CMKLR1: variants seen among roughly 807,000 people sequenced by gnomAD.
CMKLR1 encodes chemerin-like receptor 1.
In CMKLR1, 6 loss-of-function variants were observed where a neutral mutation model predicts 8.2. The observed-to-expected ratio is 0.73, with a 90% CI of 0.40 to 1.44. The LOEUF (loss-of-function observed/expected upper bound fraction) is 1.44, where lower values mean the gene tolerates loss of function less well. CMKLR1 is among the 40% of genes most tolerant of loss of function. The probability of loss-of-function intolerance (pLI) is 0.02; values close to 1 mark genes in which losing one functional copy is unlikely to be tolerated. For synonymous variants in CMKLR1, 178 were observed against 181.2 expected, an observed-to-expected ratio of 0.98 and a Z score of 0.14; for missense variants, 429 against 478.0, an observed-to-expected ratio of 0.90 and a Z score of 0.96.
chr12:108,325,540 G>A (rs1400793660), intron 2 of CMKLR1, among the ~76,000 whole-genome samples: 1 of 152,046 alleles, frequency 6.6e-6, no homozygotes, highest in Non-Finnish European at 1.5e-5. Context: ...TTAAATAGCT[G>A]GCTGTTGCAA....
chr12:108,323,419 G>A (rs1425595784), intron 2 of CMKLR1, among the ~76,000 whole-genome samples: 1 of 152,064 alleles, frequency 6.6e-6, no homozygotes, highest in Non-Finnish European at 1.5e-5. Flanking sequence ...GCTCCGGTGG[G>A]CTGGGGTTGT....
chr12:108,328,174 C>T (rs921036854), intron 2 of CMKLR1, among the ~76,000 whole-genome samples: 1 of 152,178 alleles, frequency 6.6e-6, no homozygotes, highest in African/African-American at 2.4e-5. Context: ...GTGAGGCCAG[C>T]AAGTCAAGGT....
intron 2 of CMKLR1, among the ~76,000 whole-genome samples, chr12:108,306,029 G>A (rs1243108870): frequency 6.6e-6 from 1 of 152,132 alleles, no homozygotes; most frequent in Admixed American, 6.6e-5. Flanking sequence ...ACTACTCCTT[G>A]AGCCTTAAAA....
chr12:108,331,455 T>C (rs966376282), intron 1 of CMKLR1, among the ~76,000 whole-genome samples: 1 of 141,220 alleles, frequency 7.1e-6, no homozygotes, highest in African/African-American at 2.7e-5. Flanking sequence ...CAACTGTCAA[T>C]AGATGGCCAC....
Position 108,292,253 on chromosome 12 carries a change from G to C in CMKLR1, c.710C>G (p.Thr237Arg). Residue 237 changes from threonine (T) to arginine (R), a missense_variant, in exon 4 of 4, where the codon ACA (threonine) becomes AGA (arginine). Physicochemically the swap from Thr to Arg is moderately conservative, Grantham distance 71. Coordinates refer to ENST00000550402, the MANE Select transcript of CMKLR1 (RefSeq NM_001142343.2). ...GCACACGATGGTGAGGTAGCAAGCT[G>C]TGATGATGAGGACTGGGACCAGGAA... ...CGFLVPVLIITACYLTIVCKL... is the reference protein window; with the variant it reads ...CGFLVPVLIIRACYLTIVCKL... The C allele has an allele frequency of 6.2e-7, 1 of 1,614,106 alleles. No homozygotes were observed. Among genetic ancestry groups the C allele is most frequent in the Non-Finnish European group, 8.5e-7 (1 of 1,179,984 alleles).
chr12:108,293,211 C>A lies in CMKLR1; in HGVS notation c.4-252G>T, dbSNP rs139423019. ...AATGAGGTAGGTAGGTTATGAGCCTCAACTTACAAATGAGGAAACTGAGTC... is the reference window on the plus strand; with the variant it reads ...AATGAGGTAGGTAGGTTATGAGCCTAAACTTACAAATGAGGAAACTGAGTC... On this transcript the variant is annotated intron_variant, in intron 3 of 3. Transcript: ENST00000550402. Among the ~76,000 whole-genome samples, 392 of 152,316 alleles carry A rather than the reference C, an allele frequency of 2.6e-3. 2 individuals are homozygous for A. The highest frequency in any genetic ancestry group is 9.1e-3 in the African/African-American group (377 of 41,578).
intron 2 of CMKLR1, among the ~76,000 whole-genome samples, chr12:108,306,458 C>T (rs1390878126): frequency 6.6e-6 from 1 of 152,074 alleles, no homozygotes; most frequent in Admixed American, 6.5e-5. Flanking sequence ...TCCACACTTT[C>T]CCCTCCCTCC....
rs575976866 is a variant in CMKLR1 at position 108,289,584 on chromosome 12, A to G, written c.*2257T>C. 1 of 152,288 alleles carries G rather than the reference A, an allele frequency of 6.6e-6. No individual in the cohort carries two copies. Among genetic ancestry groups the G allele is most frequent in the South Asian group, 2.1e-4 (1 of 4,812 alleles). 9.4% of individuals were successfully genotyped at this position (152,288 alleles called of 1,614,324 possible). On this transcript the variant is annotated 3_prime_UTR_variant, in exon 4 of 4. Coordinates refer to ENST00000550402, the MANE Select transcript of CMKLR1 (RefSeq NM_001142343.2). ...AAGCCCAGGAAAAGCAGCATCCTAC[A>G]AGCCAGGAGGGCCAAGGCGCTGACG...
chr12:108,297,013 T>G (rs1593158733), intron 2 of CMKLR1, among the ~76,000 whole-genome samples: 1 of 152,164 alleles, frequency 6.6e-6, no homozygotes, highest in East Asian at 1.9e-4. Flanking sequence ...CCTTAAATCC[T>G]CCACAACCAG....
At chr12:108,298,546 A>G (rs142158906) in intron 2 of CMKLR1, among the ~76,000 whole-genome samples, 2 of 152,288 alleles carry the variant, frequency 1.3e-5, no homozygotes, top group South Asian at 2.1e-4. Context: ...GCTCCACCCT[A>G]CAGGGACACC....
chr12:108,301,931 G>T (rs1380232390), intron 2 of CMKLR1, among the ~76,000 whole-genome samples: 1 of 152,068 alleles, frequency 6.6e-6, no homozygotes, highest in Non-Finnish European at 1.5e-5. Flanking sequence ...AGGCATGTGT[G>T]CTCACACAGA....
At chr12:108,293,706 A>G in intron 2 of CMKLR1, 42 bp from the exon 3 acceptor site, 2 of 1,190,530 alleles carry the variant, frequency 1.7e-6, no homozygotes, top group Non-Finnish European at 2.4e-6. Context: ...AATTGGATCC[A>G]GGTCTAAGAA....
At chr12:108,331,363 G>A (rs1424516928) in intron 1 of CMKLR1, among the ~76,000 whole-genome samples, 3 of 152,164 alleles carry the variant, frequency 2.0e-5, no homozygotes. Context: ...GTTCGGTCCT[G>A]ATAATCACTG....
At chr12:108,323,779 C>T (rs887633226) in intron 2 of CMKLR1, among the ~76,000 whole-genome samples, 1 of 152,200 alleles carries the variant, frequency 6.6e-6, no homozygotes, top group African/African-American at 2.4e-5. Context: ...CTCTGATATC[C>T]AATCTAGCGC....
chr12:108,299,053 T>A (rs1208476237), intron 2 of CMKLR1, among the ~76,000 whole-genome samples: 1 of 152,156 alleles, frequency 6.6e-6, no homozygotes, highest in Non-Finnish European at 1.5e-5. Context: ...ATGATAACAA[T>A]ACCCACCCCG....
At chr12:108,311,474 A>C (rs920619366) in intron 2 of CMKLR1, among the ~76,000 whole-genome samples, 1 of 152,192 alleles carries the variant, frequency 6.6e-6, no homozygotes, top group Non-Finnish European at 1.5e-5. Context: ...TAATTTAAAA[A>C]TTTAGCCAAG....
intron 2 of CMKLR1, among the ~76,000 whole-genome samples, chr12:108,315,740 A>G (rs1163909722): frequency 6.6e-6 from 1 of 152,170 alleles, no homozygotes; most frequent in Non-Finnish European, 1.5e-5. Flanking sequence ...TATTTTCCAG[A>G]TGCAAAGACT....
chr12:108,323,404 C>T (rs1457422023), intron 2 of CMKLR1, among the ~76,000 whole-genome samples: 1 of 151,752 alleles, frequency 6.6e-6, no homozygotes, highest in African/African-American at 2.4e-5. Context: ...AAAATGTGGA[C>T]ACAGGCTCCG....
rs770281634 is a variant in CMKLR1 at position 108,298,646 on chromosome 12, G to A, written c.-73-4982C>T. On this transcript the variant is annotated intron_variant, in intron 2 of 3. Transcript: ENST00000550402. The stretch of plus-strand genomic sequence containing the variant: ...TAGCTGAGGTCTGGGACACACACAC[G>A]GGGGTTACTCACCAGAGACCACATC... 6.6e-5 allele frequency among the ~76,000 whole-genome samples: 10 copies of A among 152,278 alleles called. 1 individual carries two copies. The highest frequency in any genetic ancestry group is 6.2e-4 in the South Asian group (3 of 4,826).
Sources: gnomAD v4.1 joint callset for allele counts (sites outside exome capture counted in the v4.1 genomes callset) on GRCh38, gnomAD v4.1.1 for gene constraint, MANE v1.5 for transcripts, NCBI Gene and HGNC (gene_info 2026-07-23, HGNC 2026-07-21) for gene names.